The following DPYSL5 variants were observed in gnomAD, a reference collection of about 807,000 sequenced individuals.
The protein encoded by DPYSL5 is dihydropyrimidinase-related protein 5.
Under a neutral mutation model 58.4 loss-of-function variants are expected in DPYSL5, and 9 were observed. The ratio of observed to expected loss-of-function variants is 0.15; its 90% confidence interval spans 0.09 to 0.27. The LOEUF is 0.27. DPYSL5 is among the 10% of genes least tolerant of loss of function. DPYSL5 has a pLI of 1.00. For synonymous variants in DPYSL5, 293 were observed against 301.9 expected (o/e 0.97, Z 0.31); for missense variants, 499 against 770.6 (o/e 0.65, Z 4.17).
intron 8 of DPYSL5, among the ~76,000 whole-genome samples, chr2:26,938,035 A>T (rs1332599947): frequency 6.6e-6 from 1 of 152,044 alleles, no homozygotes; most frequent in African/African-American, 2.4e-5. Context: ...GGGACAAGAA[A>T]TTTTTTCATT....
intron 1 of DPYSL5, among the ~76,000 whole-genome samples, chr2:26,896,245 A>G (rs1354376924): frequency 6.6e-6 from 1 of 152,114 alleles, no homozygotes; most frequent in African/African-American, 2.4e-5. Flanking sequence ...GCTGAGCAGT[A>G]TTCTATTGTG....
At position 26,876,961 on chromosome 2, in the gene DPYSL5, CTT is replaced by C. The variant is rs10707678; in HGVS notation, c.-4-21514_-4-21513del. ...AGTGCTGTTACTGATTCCACAGCCA[CTT>C]TTTTTTTTTTTTTTTTTTTTGAGAA... On this transcript the variant is annotated intron_variant, in intron 1 of 12. Transcript: ENST00000288699. 7.0e-3 allele frequency among the ~76,000 whole-genome samples: 781 copies of C among 112,224 alleles called. 6 individuals carry two copies. Among genetic ancestry groups the C allele is most frequent in the African/African-American group, 0.019 (549 of 29,136 alleles). 73.6% of individuals were successfully genotyped at this position (112,224 alleles called of 152,430 possible). A position where few individuals can be genotyped will look rare whatever the true frequency, so the allele number is the denominator to read the frequency against.
rs963481831 is a variant in DPYSL5 at position 26,924,208 on chromosome 2, G to A, written c.262-679G>A. ...TCTTGCGGAGTTGTGAATAGGATCC[G>A]TTTTCACTGATAAATCACACATGCA... is the stretch of plus-strand genomic sequence containing the variant. On this transcript the variant is annotated intron_variant, in intron 2 of 12. Coordinates refer to ENST00000288699, the MANE Select transcript of DPYSL5 (RefSeq NM_020134.4). This position sits in a 1 kb window ranked among gnomAD's most constrained non-coding sequence, Gnocchi z 4.7. Among the ~76,000 whole-genome samples the A allele has an allele frequency of 4.6e-5, 7 of 152,068 alleles. No individual in the cohort carries two copies. Among genetic ancestry groups the A allele is most frequent in the South Asian group, 2.1e-4 (1 of 4,836 alleles).
In DPYSL5 at chr2:26,925,276, G is replaced by T. The variant is rs961721062; in HGVS notation, c.420+231G>T. ...CAGGCACAGAGAGGCCAAGGCCAGAGCCCAGGCCTTGGGGATGCAGTTTCA... is the reference window on the plus strand; with the variant it reads ...CAGGCACAGAGAGGCCAAGGCCAGATCCCAGGCCTTGGGGATGCAGTTTCA... On this transcript the variant is annotated intron_variant, in intron 3 of 12. Coordinates refer to ENST00000288699, the MANE Select transcript of DPYSL5 (RefSeq NM_020134.4). The surrounding 1 kb of genome is among the most constrained non-coding windows in gnomAD (Gnocchi z 4.5). Among the ~76,000 whole-genome samples the T allele has an allele frequency of 1.3e-5, 2 of 152,230 alleles. No individual in the cohort carries two copies. Among genetic ancestry groups the T allele is most frequent in the African/African-American group, 2.4e-5 (1 of 41,474 alleles).
intron 5 of DPYSL5, among the ~76,000 whole-genome samples, chr2:26,930,287 C>G (rs535314855): frequency 6.6e-6 from 1 of 152,124 alleles, no homozygotes; most frequent in South Asian, 2.1e-4. Context: ...AGGGAAAGAG[C>G]AAGGCTTTGG....
At chr2:26,888,213 C>CTTTCTTTCT (rs1663771225) in intron 1 of DPYSL5, among the ~76,000 whole-genome samples, 1 of 74,370 alleles carries the variant, frequency 1.3e-5, no homozygotes, top group Non-Finnish European at 2.9e-5. Flanking sequence ...CCTTTCTTTT[C>CTTTCTTTCT]TTTCTTTCTT....
chr2:26,889,912 C>T (rs1380053268), intron 1 of DPYSL5, among the ~76,000 whole-genome samples: 1 of 152,112 alleles, frequency 6.6e-6, no homozygotes, highest in African/African-American at 2.4e-5. Flanking sequence ...GCAGGGAAAG[C>T]TGTAAGAATA....
At chr2:26,883,196 A>G (rs767416026) in intron 1 of DPYSL5, among the ~76,000 whole-genome samples, 43 of 152,130 alleles carry the variant, frequency 2.8e-4, no homozygotes, top group Non-Finnish European at 4.9e-4. Flanking sequence ...AGCTCCCCCT[A>G]CCATGGGCCC....
chr2:26,941,630 G>T (rs1430029363), intron 9 of DPYSL5, among the ~76,000 whole-genome samples: 1 of 152,216 alleles, frequency 6.6e-6, no homozygotes, highest in Non-Finnish European at 1.5e-5. Flanking sequence ...GATGAAGGGA[G>T]GTTCCTGACT....
At chr2:26,916,245 A>G (rs1013519382) in intron 2 of DPYSL5, among the ~76,000 whole-genome samples, 1 of 152,110 alleles carries the variant, frequency 6.6e-6, no homozygotes, top group Non-Finnish European at 1.5e-5. Context: ...CATCATCCCA[A>G]CACTGCCCTT....
chr2:26,897,419 TTA>T (rs1664047002), intron 1 of DPYSL5, among the ~76,000 whole-genome samples: 1 of 152,236 alleles, frequency 6.6e-6, no homozygotes, highest in Non-Finnish European at 1.5e-5. Context: ...TGATACGATT[TTA>T]TGATTTTTCT....
In DPYSL5 at chr2:26,924,824, A is replaced by C; in HGVS notation, c.262-63A>C. On this transcript the variant is annotated intron_variant, in intron 2 of 12. Transcript: ENST00000288699. This position sits in a 1 kb window ranked among gnomAD's most constrained non-coding sequence, Gnocchi z 4.7. ...GAATGGACCATGAGGACCATGTCTC[A>C]CCACATCATTGACTCGGGGGCAGGC... 2.5e-6 allele frequency: 4 copies of C among 1,569,242 alleles called. No individual in the cohort carries two copies. Among genetic ancestry groups the C allele is most frequent in the Non-Finnish European group, 1.7e-6 (2 of 1,156,590 alleles).
chr2:26,856,446 G>C (rs1032796284), intron 1 of DPYSL5, among the ~76,000 whole-genome samples: 2 of 152,094 alleles, frequency 1.3e-5, no homozygotes, highest in Non-Finnish European at 2.9e-5. Context: ...ATATTTGCGA[G>C]ATTTCTCTTA....
In DPYSL5 at chr2:26,942,159, A is replaced by T; in HGVS notation, c.1232+67A>T. ...ATTTTGAAGAAGACTTGCATTACAG[A>T]TCTCCAAAAGCATATAATTTTGCAC... is the stretch of plus-strand genomic sequence containing the variant. On this transcript the variant is annotated intron_variant, in intron 10 of 12. Transcript: ENST00000288699. The surrounding 1 kb of genome is among the most constrained non-coding windows in gnomAD (Gnocchi z 5.9). The T allele has an allele frequency of 3.8e-6, 6 of 1,599,572 alleles. No individual in the cohort carries two copies. The highest frequency in any genetic ancestry group is 5.1e-6 in the Non-Finnish European group (6 of 1,172,746).
chr2:26,931,480 C>G (rs1664986348), intron 5 of DPYSL5, among the ~76,000 whole-genome samples, 160 bp from the exon 6 acceptor site: 1 of 152,006 alleles, frequency 6.6e-6, no homozygotes, highest in Non-Finnish European at 1.5e-5. Flanking sequence ...AATTCTCCCT[C>G]ACTGTGAGCC....
chr2:26,869,736 A>G (rs1372193163), intron 1 of DPYSL5, among the ~76,000 whole-genome samples: 1 of 152,084 alleles, frequency 6.6e-6, no homozygotes, highest in Non-Finnish European at 1.5e-5. Context: ...TATCGGCCGG[A>G]CGCGGTGGCT....
chr2:26,903,921 C>G (rs1664223670), intron 2 of DPYSL5, among the ~76,000 whole-genome samples: 1 of 152,252 alleles, frequency 6.6e-6, no homozygotes, highest in South Asian at 2.1e-4. Flanking sequence ...AGTCAGTCCA[C>G]TTGGGGCTGG....
At chr2:26,868,273 T>C (rs1663163859) in intron 1 of DPYSL5, among the ~76,000 whole-genome samples, 1 of 152,264 alleles carries the variant, frequency 6.6e-6, no homozygotes, top group Non-Finnish European at 1.5e-5. Flanking sequence ...TCAGACTCTT[T>C]ATCATTTATC....
At chr2:26,945,870 G>A (rs1374224850) in intron 12 of DPYSL5, among the ~76,000 whole-genome samples, 1 of 152,230 alleles carries the variant, frequency 6.6e-6, no homozygotes, top group Non-Finnish European at 1.5e-5. Context: ...ATGCCAATGG[G>A]TCAGCGCCTG....
Sources: allele counts gnomAD v4.1 joint callset (sites outside exome capture counted in the v4.1 genomes callset), GRCh38; gene constraint gnomAD v4.1.1; non-coding constraint Gnocchi (gnomAD v3.1); transcripts MANE v1.5; gene names NCBI Gene and HGNC (gene_info 2026-07-23, HGNC 2026-07-21).